The following NRF1 variants were observed in gnomAD, a reference collection of about 807,000 sequenced individuals.
NRF1 encodes the protein alpha palindromic-binding protein.
Under a neutral mutation model 58.5 loss-of-function variants are expected in NRF1, and 5 were observed. That is an observed-to-expected ratio of 0.09 (90% CI 0.04 to 0.18). The LOEUF (loss-of-function observed/expected upper bound fraction) is 0.18. NRF1 is among the 10% of genes least tolerant of loss of function. NRF1 has a pLI of 1.00. For synonymous variants in NRF1, 224 were observed against 246.7 expected (o/e 0.91, Z 0.86); for missense variants, 288 against 657.7 (o/e 0.44, Z 6.15).
chr7:129,641,462 G>A (rs1801287581), intron 1 of NRF1, among the ~76,000 whole-genome samples: 1 of 151,974 alleles, frequency 6.6e-6, no homozygotes, highest in Admixed American at 6.6e-5. Flanking sequence ...ATATTGTCTA[G>A]GTTATAAAAG....
At chr7:129,735,075 A>G (rs1444712363) in intron 10 of NRF1, 1 of 985,420 alleles carries the variant, frequency 1.0e-6, no homozygotes, top group Non-Finnish European at 1.2e-6. Flanking sequence ...GGCTCTGCCT[A>G]CAGCCCTTGC....
chr7:129,619,649 T>A (rs1800747628), intron 1 of NRF1, among the ~76,000 whole-genome samples: 1 of 149,536 alleles, frequency 6.7e-6, no homozygotes, highest in Non-Finnish European at 1.5e-5. Flanking sequence ...CTTCCATGTC[T>A]CTCTGCAATG....
intron 9 of NRF1, among the ~76,000 whole-genome samples, chr7:129,718,529 G>T (rs750783448): frequency 5.3e-5 from 8 of 152,170 alleles, no homozygotes; most frequent in Non-Finnish European, 8.8e-5. Flanking sequence ...CATATACTCT[G>T]CCCTCAAAGA....
chr7:129,642,765 T>C (rs1328783818), intron 1 of NRF1, among the ~76,000 whole-genome samples: 4 of 148,784 alleles, frequency 2.7e-5, no homozygotes, highest in African/African-American at 9.7e-5. Context: ...AAATTTTTTT[T>C]TTTTTTTTTT....
intron 10 of NRF1, among the ~76,000 whole-genome samples, chr7:129,737,343 G>A (rs755948264): frequency 1.6e-4 from 25 of 152,248 alleles, no homozygotes; most frequent in Admixed American, 5.2e-4. Flanking sequence ...CATAGTTTGC[G>A]GTCATGAGTG....
chr7:129,662,943 G>A (rs2151078608), intron 2 of NRF1, among the ~76,000 whole-genome samples: 1 of 152,238 alleles, frequency 6.6e-6, no homozygotes, highest in South Asian at 2.1e-4. Context: ...TTGAGATTAG[G>A]GAGTGGTGAT....
At chr7:129,695,690 T>C (rs1802676483) in intron 5 of NRF1, among the ~76,000 whole-genome samples, 1 of 150,336 alleles carries the variant, frequency 6.7e-6, no homozygotes, top group Non-Finnish European at 1.5e-5. Flanking sequence ...TTTTTTTTAA[T>C]CTGGGAACAC....
At chr7:129,693,781 T>C (rs1460970186) in intron 5 of NRF1, among the ~76,000 whole-genome samples, 1 of 152,232 alleles carries the variant, frequency 6.6e-6, no homozygotes, top group Non-Finnish European at 1.5e-5. Flanking sequence ...AAGAATCTAC[T>C]CTGTCTCAGA....
intron 5 of NRF1, among the ~76,000 whole-genome samples, chr7:129,697,497 G>A (rs1452729841): frequency 6.8e-5 from 10 of 147,754 alleles, no homozygotes; most frequent in South Asian, 2.2e-4. Flanking sequence ...GCAGTGAGCC[G>A]AGATCACACC....
At chr7:129,678,156 G>C (rs1202159615) in intron 4 of NRF1, among the ~76,000 whole-genome samples, 1 of 152,086 alleles carries the variant, frequency 6.6e-6, no homozygotes, top group Non-Finnish European at 1.5e-5. Flanking sequence ...CAGTTTATTT[G>C]AGTTACATAT....
Position 129,741,019 on chromosome 7 carries a change from G to A in NRF1, c.1348+13654G>A, listed in dbSNP as rs1187013045. On this transcript the variant is annotated intron_variant, in intron 10 of 10. Transcript: ENST00000393232. The surrounding 1 kb of genome is among the most constrained non-coding windows in gnomAD (Gnocchi z 4.0). ...AAGACTGGATACCTCTAGTCGACAT[G>A]TCAGGGCCCCAAAGGAATCAAGTCC... Among the ~76,000 whole-genome samples the A allele has an allele frequency of 6.6e-6, 1 of 152,186 alleles. No individual in the cohort carries two copies. The highest frequency in any genetic ancestry group is 1.5e-5 in the Non-Finnish European group (1 of 68,024).
intron 10 of NRF1, among the ~76,000 whole-genome samples, chr7:129,753,501 A>G (rs10500120): frequency 0.31 from 46,818 of 152,134 alleles, 7,287 homozygotes; most frequent in Admixed American, 0.38. Flanking sequence ...AAATGTTGAC[A>G]TCCCTCGGTT....
intron 1 of NRF1, among the ~76,000 whole-genome samples, chr7:129,625,485 A>G (rs533437767): frequency 4.6e-4 from 70 of 151,698 alleles, no homozygotes; most frequent in Non-Finnish European, 8.0e-4. Context: ...TCTTAATTTT[A>G]TTTATTTATT....
chr7:129,685,616 G>A, intron 4 of NRF1, among the ~76,000 whole-genome samples: 1 of 144,898 alleles, frequency 6.9e-6, no homozygotes, highest in Non-Finnish European at 1.5e-5. Flanking sequence ...TGAAAAATAA[G>A]CAAAAGACCT....
chr7:129,754,460 C>T (rs1251552101), intron 10 of NRF1, among the ~76,000 whole-genome samples: 2 of 3,474 alleles, frequency 5.8e-4, no homozygotes, highest in Non-Finnish European at 1.3e-3. Context: ...CAGACCCTGT[C>T]TCTTAAAAAA....
intron 1 of NRF1, among the ~76,000 whole-genome samples, chr7:129,635,947 G>A (rs2151064599): frequency 6.6e-6 from 1 of 151,928 alleles, no homozygotes; most frequent in African/African-American, 2.4e-5. Flanking sequence ...GATTCCTAAA[G>A]TCCTTCTTTA....
chr7:129,629,657 T>C (rs1343034512), intron 1 of NRF1, among the ~76,000 whole-genome samples: 1 of 152,212 alleles, frequency 6.6e-6, no homozygotes, highest in Non-Finnish European at 1.5e-5. Flanking sequence ...AGAAGCGCTT[T>C]ATGCATACTT....
intron 4 of NRF1, among the ~76,000 whole-genome samples, chr7:129,686,659 A>G (rs979628296): frequency 6.6e-6 from 1 of 152,270 alleles, no homozygotes; most frequent in African/African-American, 2.4e-5. Context: ...GTGCTCAATA[A>G]ACGGTGTTTG....
intron 1 of NRF1, among the ~76,000 whole-genome samples, chr7:129,652,179 A>G (rs1219687033): frequency 6.6e-6 from 1 of 152,232 alleles, no homozygotes; most frequent in Non-Finnish European, 1.5e-5. Flanking sequence ...GTGGGACAAA[A>G]TAAGAGAAAA....
Sources: gnomAD v4.1 joint callset for allele counts (sites outside exome capture counted in the v4.1 genomes callset) on GRCh38, gnomAD v4.1.1 for gene constraint, Gnocchi (gnomAD v3.1) non-coding constraint, MANE v1.5 for transcripts, NCBI Gene and HGNC (gene_info 2026-07-23, HGNC 2026-07-21) for gene names.